The following ANKS3 variants were observed in gnomAD, a reference collection of about 807,000 sequenced individuals.
ANKS3 encodes ankyrin repeat and SAM domain-containing protein 3.
ANKS3 carries 62 observed loss-of-function variants against 80.7 expected under a neutral mutation model. That is an observed-to-expected ratio of 0.77 (90% CI 0.63 to 0.95). The LOEUF (loss-of-function observed/expected upper bound fraction) is 0.95, where lower values mean the gene tolerates loss of function less well. ANKS3 is among the 40% of genes least tolerant of loss of function. The pLI is 0.00. For missense variants in ANKS3, 1,150 were observed against 883.6 expected, an observed-to-expected ratio of 1.30 and a Z score of -3.82; for synonymous variants, 489 against 355.3, an observed-to-expected ratio of 1.38 and a Z score of -4.23.
chr16:4,697,213 C>T, intron 16 of ANKS3, 109 bp from the exon 17 acceptor site: 1 of 1,555,654 alleles, frequency 6.4e-7, no homozygotes, highest in Non-Finnish European at 8.8e-7. Context: ...CCGTTATGGC[C>T]CCAGCCCCGA....
In ANKS3 at chr16:4,730,055, T is replaced by C. The variant is rs142481366; in HGVS notation, c.95A>G (p.Glu32Gly). The change falls in exon 3 of 18, where the codon GAG becomes GGG. Residue 32 changes from glutamate to glycine, a missense_variant. Transcript: ENST00000304283. ...GTGAAGATCCAGGGGGACATCCAGC[T>C]CCTCCCCGCTGACCTGTGTCCCGAG... ...HGLGTQVSGE[E>G]LDVPLDLHTA... 3.1e-6 allele frequency: 5 copies of C among 1,589,034 alleles called. No homozygotes were observed. The highest frequency in any genetic ancestry group is 4.3e-6 in the Non-Finnish European group (5 of 1,165,238).
In ANKS3 at chr16:4,699,097, A is replaced by G. The variant is rs1207561226; in HGVS notation, c.1364T>C (p.Ile455Thr). Residue 455 changes from isoleucine to threonine, a missense_variant, in exon 12 of 18, where the codon ATC becomes ACC. Transcript: ENST00000304283. Reference protein sequence around the residue: ...VFEEQDVDLRIFLTLTESDLK... With the variant: ...VFEEQDVDLRTFLTLTESDLK... ...GTCGCTCTCAGTGAGGGTCAGAAAG[A>G]TGCGGAGGTCCACGTCCTGCTCCTC... 1.9e-6 allele frequency: 3 copies of G among 1,614,146 alleles called. No individual in the cohort carries two copies. The highest frequency in any genetic ancestry group is 2.5e-6 in the Non-Finnish European group (3 of 1,180,032).
At chr16:4,701,168 C>G (rs371478473) in intron 10 of ANKS3, 34 bp from the exon 11 acceptor site, 6 of 1,612,438 alleles carry the variant, frequency 3.7e-6, no homozygotes, top group Non-Finnish European at 5.1e-6. Flanking sequence ...AAAGAGTGCG[C>G]GGGCTAACTT....
intron 7 of ANKS3, among the ~76,000 whole-genome samples, chr16:4,711,330 C>T (rs753739711): frequency 1.1e-3 from 159 of 150,806 alleles, no homozygotes; most frequent in Non-Finnish European, 1.8e-3. Flanking sequence ...CTCGAACTCC[C>T]GACCTCAGGT....
Position 4,698,614 on chromosome 16 carries a change from G to A in ANKS3, c.1552-15C>T, listed in dbSNP as rs768664663. The A allele has an allele frequency of 3.9e-6, 6 of 1,543,366 alleles. No homozygotes were observed. Among genetic ancestry groups the A allele is most frequent in the East Asian group, 4.5e-5 (2 of 44,268 alleles). ...TCCTCGCAGCGCTGCAGGGGGGTGG[G>A]GGGCGCGGGGAGGCTGGGAGGTGGC... On this transcript the variant is annotated splice_polypyrimidine_tract_variant and intron_variant, in intron 13 of 17. Coordinates refer to ENST00000304283, the MANE Select transcript of ANKS3 (RefSeq NM_133450.4).
rs767271257 is a variant in ANKS3, at chr16:4,727,136, G to T, written c.212C>A (p.Thr71Asn). Reference protein sequence around the residue: ...DLNKKNGGGWTPLMYASYIGH... With the variant: ...DLNKKNGGGWNPLMYASYIGH... ...AATGTAGGAGGCATACATCAGCGGG[G>T]TCCAGCCACCACCATTCTTCTTATT... The change falls in exon 4 of 18, where the codon ACC becomes AAC. Residue 71 changes from threonine (T) to asparagine (N), a missense_variant. Physicochemically the swap from Thr to Asn is moderately conservative, Grantham distance 65. Transcript: ENST00000304283. 3.1e-6 allele frequency: 5 copies of T among 1,614,062 alleles called. No individual in the cohort carries two copies. The highest frequency in any genetic ancestry group is 1.3e-5 in the African/African-American group (1 of 74,944).
intron 8 of ANKS3, among the ~76,000 whole-genome samples, chr16:4,704,209 G>A (rs1000180535): frequency 6.6e-6 from 1 of 152,180 alleles, no homozygotes; most frequent in African/African-American, 2.4e-5. Context: ...CCAGCACCCA[G>A]GCTTGGGAAG....
intron 8 of ANKS3, among the ~76,000 whole-genome samples, chr16:4,704,705 G>A (rs904394118): frequency 6.6e-6 from 1 of 152,176 alleles, no homozygotes; most frequent in Non-Finnish European, 1.5e-5. Flanking sequence ...CCCCAGCAGC[G>A]CACCCGACCC....
intron 10 of ANKS3, 89 bp from the exon 11 acceptor site, chr16:4,701,223 G>A: frequency 1.3e-6 from 2 of 1,577,438 alleles, no homozygotes; most frequent in South Asian, 2.2e-5. Flanking sequence ...GGGCTTGAGA[G>A]GCTTCGTGAA....
chr16:4,707,547 G>A (rs761921488), intron 7 of ANKS3, among the ~76,000 whole-genome samples: 3 of 152,098 alleles, frequency 2.0e-5, no homozygotes, highest in Admixed American at 6.6e-5. Flanking sequence ...CTCCCAAAGT[G>A]CTCGGATTAC....
chr16:4,698,771 GCCC>G (rs552380747), intron 13 of ANKS3, 26 bp downstream of exon 13: 1 of 1,572,894 alleles, frequency 6.4e-7, no homozygotes, highest in Admixed American at 1.8e-5. Flanking sequence ...GTGTCACCCT[GCCC>G]CCCCATCCCC....
chr16:4,705,926 C>CTTTTTT (rs58092936), intron 7 of ANKS3, among the ~76,000 whole-genome samples: 1 of 149,364 alleles, frequency 6.7e-6, no homozygotes, highest in Non-Finnish European at 1.5e-5. Flanking sequence ...TTGGAAACAA[C>CTTTTTT]TTTTTTTTTT....
intron 14 of ANKS3, 77 bp downstream of exon 14, chr16:4,698,350 G>C (rs192026783): frequency 7.0e-7 from 1 of 1,428,150 alleles, no homozygotes; most frequent in Non-Finnish European, 9.1e-7. Flanking sequence ...AAATCAGGAG[G>C]AAAGGATGTG....
chr16:4,705,000 C>G, intron 8 of ANKS3, 95 bp downstream of exon 8: 11 of 1,509,696 alleles, frequency 7.3e-6, no homozygotes, highest in African/African-American at 1.4e-5. Flanking sequence ...GTCCAGCGAC[C>G]CACATTTCAG....
intron 1 of ANKS3, among the ~76,000 whole-genome samples, chr16:4,733,245 C>T (rs900804713): frequency 2.0e-5 from 3 of 148,376 alleles, no homozygotes; most frequent in Non-Finnish European, 4.5e-5. Context: ...TTTGACCGCA[C>T]AACAGGGTGA....
chr16:4,732,976 G>A (rs1013567897), intron 1 of ANKS3, among the ~76,000 whole-genome samples: 1 of 152,020 alleles, frequency 6.6e-6, no homozygotes, highest in Non-Finnish European at 1.5e-5. Flanking sequence ...GGCACAGAAA[G>A]ATAAATATTG....
chr16:4,729,836 TACTG>T (rs2081531762), intron 3 of ANKS3, 140 bp downstream of exon 3: 1 of 821,738 alleles, frequency 1.2e-6, no homozygotes, highest in African/African-American at 1.7e-5. Flanking sequence ...CATCAATACT[TACTG>T]ACAGCTGCCT....
chr16:4,714,349 G>C, intron 6 of ANKS3, 163 bp from the exon 7 acceptor site: 1 of 1,048,406 alleles, frequency 9.5e-7, no homozygotes, highest in Non-Finnish European at 1.4e-6. Context: ...TGTCTGCACC[G>C]CAGCCACAAG....
chr16:4,705,204 CT>C lies in ANKS3; in HGVS notation c.758del (p.Gln253ArgfsTer139), dbSNP rs2080120590. 6.2e-7 allele frequency: 1 copy of C among 1,613,914 alleles called. No individual in the cohort carries two copies. The highest frequency in any genetic ancestry group is 1.7e-5 in the Admixed American group (1 of 60,012). On this transcript the variant is annotated frameshift_variant, in exon 8 of 18. Coordinates refer to ENST00000304283, the MANE Select transcript of ANKS3 (RefSeq NM_133450.4). LOFTEE classifies it high-confidence loss of function. ...CCTTCTTCCGGCAAGGCCTCTGTCT[CT>C]GAGGAGCAGGGCAGGACTCGTCAGA... ...SSSDESCPAP[Q>X]RQRPCRKKGV...
Sources: allele counts gnomAD v4.1 joint callset (sites outside exome capture counted in the v4.1 genomes callset), GRCh38; gene constraint gnomAD v4.1.1; transcripts MANE v1.5; gene names NCBI Gene and HGNC (gene_info 2026-07-23, HGNC 2026-07-21).